ZFAND3: variants seen among roughly 807,000 people sequenced by gnomAD.
ZFAND3 encodes the protein AN1-type zinc finger protein 3.
A neutral mutation model predicts 29.6 loss-of-function variants in ZFAND3; 10 were observed. The ratio of observed to expected loss-of-function variants is 0.34; its 90% CI spans 0.21 to 0.57. The LOEUF (loss-of-function observed/expected upper bound fraction) is 0.57. Among genes scored for constraint, ZFAND3 ranks in the 20% least tolerant of loss-of-function variants. The pLI is 0.86. For synonymous variants in ZFAND3, 128 were observed against 112.6 expected (o/e 1.14, Z -0.87); for missense variants, 230 against 304.5 (o/e 0.76, Z 1.82).
intron 5 of ZFAND3, among the ~76,000 whole-genome samples, chr6:38,136,882 T>A (rs1355088555): frequency 6.6e-6 from 1 of 152,228 alleles, no homozygotes; most frequent in Non-Finnish European, 1.5e-5. Flanking sequence ...TGTTCTAGAT[T>A]CACCCAGGAA....
intron 2 of ZFAND3, among the ~76,000 whole-genome samples, chr6:38,033,723 CCTT>C (rs970613740): frequency 6.6e-6 from 1 of 152,128 alleles, no homozygotes; most frequent in Non-Finnish European, 1.5e-5. Context: ...AATTGAAACT[CCTT>C]CTATCTTTTG....
intron 2 of ZFAND3, among the ~76,000 whole-genome samples, chr6:38,052,683 A>G (rs1379529699): frequency 1.3e-5 from 2 of 152,154 alleles, no homozygotes; most frequent in Non-Finnish European, 2.9e-5. Flanking sequence ...AAATATGAGT[A>G]GGATTTACCA....
At chr6:37,936,910 G>C (rs1484091689) in intron 2 of ZFAND3, among the ~76,000 whole-genome samples, 1 of 152,136 alleles carries the variant, frequency 6.6e-6, no homozygotes, top group Non-Finnish European at 1.5e-5. Flanking sequence ...CTGGGCGCAG[G>C]GTGAAATGGT....
At chr6:37,841,785 T>A (rs1356703402) in intron 1 of ZFAND3, among the ~76,000 whole-genome samples, 1 of 152,132 alleles carries the variant, frequency 6.6e-6, no homozygotes, top group Non-Finnish European at 1.5e-5. Context: ...GCCCAGCCTG[T>A]TTTTAAGTTT....
At chr6:38,116,550 C>T in intron 4 of ZFAND3, 22 bp from the exon 5 acceptor site, 1 of 1,593,604 alleles carries the variant, frequency 6.3e-7, no homozygotes, top group Non-Finnish European at 8.6e-7. Flanking sequence ...ATCCTGATCC[C>T]CAAATATGTT....
chr6:37,917,783 G>A (rs1366401434), intron 1 of ZFAND3, among the ~76,000 whole-genome samples: 1 of 152,070 alleles, frequency 6.6e-6, no homozygotes, highest in Non-Finnish European at 1.5e-5. Flanking sequence ...ATCTAGTTTC[G>A]TCGTAGGTGT....
chr6:37,870,878 A>G (rs1764683827), intron 1 of ZFAND3, among the ~76,000 whole-genome samples: 2 of 152,130 alleles, frequency 1.3e-5, no homozygotes, highest in South Asian at 4.2e-4. Context: ...GTTTTCTTAT[A>G]TGATTTGTCA....
In ZFAND3 at chr6:37,849,574, A is replaced by T. The variant is rs541623664; in HGVS notation, c.71+29558A>T. Reference sequence around the variant, plus strand: ...CAGGCACCCACCACTATGCCTGGCTAATTTTTTGTATTTTTAGTAGAGACG... The same window carrying T: ...CAGGCACCCACCACTATGCCTGGCTTATTTTTTGTATTTTTAGTAGAGACG... On this transcript the variant is annotated intron_variant, in intron 1 of 5. Transcript: ENST00000287218. Among the ~76,000 whole-genome samples, 3 of 151,770 alleles carry T rather than the reference A, an allele frequency of 2.0e-5. No homozygotes were observed. In the South Asian group the frequency reaches 6.3e-4, roughly 32 times the overall value.
chr6:38,097,713 C>T (rs1204241625), intron 4 of ZFAND3, among the ~76,000 whole-genome samples: 1 of 152,014 alleles, frequency 6.6e-6, no homozygotes, highest in Non-Finnish European at 1.5e-5. Flanking sequence ...AGTAAATGCT[C>T]AGTAGATAAT....
chr6:38,100,965 A>G (rs1765081132), intron 4 of ZFAND3, among the ~76,000 whole-genome samples: 1 of 152,218 alleles, frequency 6.6e-6, no homozygotes. Flanking sequence ...TTCAGTGTGT[A>G]ATTCTTAAAA....
intron 2 of ZFAND3, among the ~76,000 whole-genome samples, chr6:38,006,787 G>A (rs1010478707): frequency 2.6e-5 from 4 of 151,556 alleles, no homozygotes; most frequent in African/African-American, 2.4e-5. Flanking sequence ...CATATCGTGC[G>A]TCTAAATATT....
chr6:38,133,436 A>G (rs1765780256), intron 5 of ZFAND3, among the ~76,000 whole-genome samples: 1 of 152,138 alleles, frequency 6.6e-6, no homozygotes, highest in South Asian at 2.1e-4. Flanking sequence ...CTTGAGTTAT[A>G]TCATTTGACT....
At chr6:38,012,115 T>TG (rs1180695342) in intron 2 of ZFAND3, among the ~76,000 whole-genome samples, 1 of 152,166 alleles carries the variant, frequency 6.6e-6, no homozygotes, top group African/African-American at 2.4e-5. Context: ...CAGGCAGTAG[T>TG]GGAATGTAGA....
chr6:37,930,371 A>G (rs1304062215), intron 2 of ZFAND3, among the ~76,000 whole-genome samples: 1 of 152,214 alleles, frequency 6.6e-6, no homozygotes, highest in African/African-American at 2.4e-5. Flanking sequence ...GGAGTCAGGA[A>G]GAGAATCAAG....
At chr6:38,066,304 G>C (rs1200566557) in intron 3 of ZFAND3, among the ~76,000 whole-genome samples, 2 of 152,188 alleles carry the variant, frequency 1.3e-5, no homozygotes, top group Non-Finnish European at 2.9e-5. Context: ...ACACTAAACA[G>C]CCTGATCCAT....
At chr6:37,970,765 C>T (rs907042403) in intron 2 of ZFAND3, among the ~76,000 whole-genome samples, 8 of 151,936 alleles carry the variant, frequency 5.3e-5, no homozygotes, top group Admixed American at 1.3e-4. Context: ...ATTAGCCGGC[C>T]GTGGTGGCGG....
At chr6:37,826,754 A>G (rs74963713) in intron 1 of ZFAND3, among the ~76,000 whole-genome samples, 3 of 148,154 alleles carry the variant, frequency 2.0e-5, no homozygotes, top group African/African-American at 4.9e-5. Context: ...CTCCATCTCA[A>G]AAAAAAAAAA....
At chr6:37,829,906 C>T (rs1188152912) in intron 1 of ZFAND3, among the ~76,000 whole-genome samples, 3 of 152,192 alleles carry the variant, frequency 2.0e-5, no homozygotes, top group African/African-American at 7.2e-5. Context: ...TGGAGTACTG[C>T]ACTCTTGTAT....
At chr6:37,890,411 G>A (rs1015831873) in intron 1 of ZFAND3, among the ~76,000 whole-genome samples, 1 of 152,168 alleles carries the variant, frequency 6.6e-6, no homozygotes, top group Non-Finnish European at 1.5e-5. Context: ...GAACCTGAGA[G>A]CCAGAAGCCC....
Sources: allele counts gnomAD v4.1 joint callset (sites outside exome capture counted in the v4.1 genomes callset), GRCh38; gene constraint gnomAD v4.1.1; transcripts MANE v1.5; gene names NCBI Gene and HGNC (gene_info 2026-07-23, HGNC 2026-07-21).